The following ZFHX4 variants were observed in gnomAD, a reference collection of about 807,000 sequenced individuals.
ZFHX4 encodes the protein zinc finger homeobox 4, also known as zinc finger homeobox protein 4.
A neutral mutation model predicts 267.6 loss-of-function variants in ZFHX4; 56 were observed. That is an observed-to-expected ratio of 0.21 (90% CI 0.17 to 0.26). ZFHX4 has a LOEUF of 0.26. Among genes scored for constraint, ZFHX4 ranks in the 10% least tolerant of loss-of-function variants. ZFHX4 has a pLI of 1.00. For synonymous variants in ZFHX4, 1,778 were observed against 1,665.6 expected (o/e 1.07, Z -1.64); for missense variants, 4,332 against 4,420.0 (o/e 0.98, Z 0.56).
At chr8:76,797,886 A>ATGTG (rs10694486) in intron 4 of ZFHX4, among the ~76,000 whole-genome samples, 6,135 of 140,206 alleles carry the variant, frequency 0.044, 209 homozygotes, top group East Asian at 0.19. Context: ...GTGTGTCTGT[A>ATGTG]TGTGTGTGTG....
chr8:76,758,755 A>C (rs1249957158), intron 3 of ZFHX4, among the ~76,000 whole-genome samples: 6 of 152,094 alleles, frequency 3.9e-5, no homozygotes, highest in Non-Finnish European at 8.8e-5. Context: ...TGGCCCCCCA[A>C]AGTGCTGGGA....
chr8:76,792,115 A>T (rs1810854012), intron 4 of ZFHX4, among the ~76,000 whole-genome samples: 1 of 152,152 alleles, frequency 6.6e-6, no homozygotes, highest in Non-Finnish European at 1.5e-5. Flanking sequence ...TCCAAAACCT[A>T]ATGCTATATG....
At chr8:76,831,259 T>G (rs980045930) in intron 4 of ZFHX4, among the ~76,000 whole-genome samples, 1 of 152,210 alleles carries the variant, frequency 6.6e-6, no homozygotes, top group African/African-American at 2.4e-5. Flanking sequence ...GTCACCTAGG[T>G]ACTACTGACA....
chr8:76,692,878 T>C (rs2131586102), intron 1 of ZFHX4, among the ~76,000 whole-genome samples: 1 of 152,304 alleles, frequency 6.6e-6, no homozygotes, highest in East Asian at 1.9e-4. Context: ...AAAGTACTTC[T>C]TAAAAATAAA....
In ZFHX4 at chr8:76,728,894, C is replaced by T. The variant is rs117223559; in HGVS notation, c.3093+20846C>T. On this transcript the variant is annotated intron_variant, in intron 3 of 10. Transcript: ENST00000651372. ...TGGTTCTGATGATCAGAAGATTTCC[C>T]ACCATTTTCATAGGTTTTAGGAAAA... 5.2e-4 allele frequency among the ~76,000 whole-genome samples: 79 copies of T among 152,202 alleles called. 2 individuals are homozygous for T. The East Asian group carries it at 0.014, about 27-fold the overall frequency.
chr8:76,803,971 A>G (rs910765306), intron 4 of ZFHX4, among the ~76,000 whole-genome samples: 7 of 152,142 alleles, frequency 4.6e-5, no homozygotes, highest in African/African-American at 1.7e-4. Context: ...TATAATTCAG[A>G]CTTAGAATTT....
Position 76,855,284 on chromosome 8 carries a change from C to T in ZFHX4, c.8363C>T (p.Pro2788Leu). 6.2e-7 allele frequency: 1 copy of T among 1,612,842 alleles called. No homozygotes were observed. Among genetic ancestry groups the T allele is most frequent in the Non-Finnish European group, 8.5e-7 (1 of 1,179,540 alleles). Reference sequence around the variant, plus strand: ...GATGTAGAGAATTTAAATGCCCCTCCTGCTGAGGCTGGGTATGATCAAAAT... The same window carrying T: ...GATGTAGAGAATTTAAATGCCCCTCTTGCTGAGGCTGGGTATGATCAAAAT... The part of the protein sequence containing the change: ...SEDVENLNAP[P>L]AEAGYDQNKT... Residue 2788 changes from proline to leucine, a missense_variant, in exon 10 of 11, where the codon CCT (proline) becomes CTT (leucine). Pro to Leu is a moderately conservative substitution (Grantham distance 98). Coordinates refer to ENST00000651372, the MANE Select transcript of ZFHX4 (RefSeq NM_024721.5).
rs1049191590 is a variant in ZFHX4, at chr8:76,770,469, T to G, written c.3094-7739T>G. 2.0e-5 allele frequency among the ~76,000 whole-genome samples: 3 copies of G among 152,318 alleles called. No individual in the cohort carries two copies. The East Asian group carries it at 5.8e-4, about 29-fold the overall frequency. ...TCTATTGCCTGCCAGTAGTTGTACCTCTTCACTATTATTCTTCCTAACCAC... is the reference window on the plus strand; with the variant it reads ...TCTATTGCCTGCCAGTAGTTGTACCGCTTCACTATTATTCTTCCTAACCAC... On this transcript the variant is annotated intron_variant, in intron 3 of 10. Coordinates refer to ENST00000651372, the MANE Select transcript of ZFHX4 (RefSeq NM_024721.5).
In ZFHX4 at chr8:76,853,793, C is replaced by A. The variant is rs533595263; in HGVS notation, c.6872C>A (p.Thr2291Lys). The change falls in exon 10 of 11, where the codon ACA (threonine) becomes AAA (lysine). Residue 2291 changes from threonine (T) to lysine (K), a missense_variant. By Grantham distance (78) the Thr-to-Lys change is moderately conservative (BLOSUM62 -1). This residue lies in a region of ZFHX4 where 1,648 missense variants were observed against 1,625.0 expected (regional missense o/e 1.01). Transcript: ENST00000651372. ...ARKSYENQAE[T>K]KDNEKRELTN... is the part of the protein sequence containing the mutation. Reference sequence around the variant, plus strand: ...AAGAGTTATGAGAATCAAGCAGAAACAAAAGATAATGAAAAAAGAGAACTC... The same window carrying A: ...AAGAGTTATGAGAATCAAGCAGAAAAAAAAGATAATGAAAAAAGAGAACTC... 1 of 1,613,586 alleles carries A rather than the reference C, an allele frequency of 6.2e-7. No homozygotes were observed. Among genetic ancestry groups the A allele is most frequent in the African/African-American group, 1.3e-5 (1 of 74,958 alleles).
chr8:76,856,045 C>T lies in ZFHX4; in HGVS notation c.9124C>T (p.Gln3042Ter). 1 of 1,613,968 alleles carries T rather than the reference C, an allele frequency of 6.2e-7. No homozygotes were observed. The highest frequency in any genetic ancestry group is 8.5e-7 in the Non-Finnish European group (1 of 1,179,866). The change falls in exon 10 of 11, where the codon CAG (glutamine) becomes TAG (stop). Residue 3042 changes from glutamine (Q) to a stop codon, truncating the protein, a stop_gained. Coordinates refer to ENST00000651372, the MANE Select transcript of ZFHX4 (RefSeq NM_024721.5). LOFTEE classifies it high-confidence loss of function. ...ISKVRETVGSQLDREKDYLAP... is the reference protein window; with the variant it reads ...ISKVRETVGS ...AAAAGTGAGGGAGACCGTTGGCAGT[C>T]AGCTCGATCGGGAGAAAGATTACTT...
intron 5 of ZFHX4, among the ~76,000 whole-genome samples, chr8:76,838,220 C>T (rs1241306538): frequency 6.6e-6 from 1 of 152,138 alleles, no homozygotes; most frequent in East Asian, 1.9e-4. Flanking sequence ...CGGGCATTAC[C>T]TGGAAACTCA....
intron 3 of ZFHX4, among the ~76,000 whole-genome samples, chr8:76,717,759 G>A (rs1479425294): frequency 6.6e-6 from 1 of 151,974 alleles, no homozygotes; most frequent in African/African-American, 2.4e-5. Context: ...ACCACCCTGG[G>A]CTAATTTTTG....
chr8:76,847,727 A>T (rs1309234434), intron 6 of ZFHX4, among the ~76,000 whole-genome samples: 1 of 151,794 alleles, frequency 6.6e-6, no homozygotes, highest in Non-Finnish European at 1.5e-5. Flanking sequence ...CACAGTTGAA[A>T]TAGAATGTAT....
At chr8:76,759,051 G>T (rs1317581473) in intron 3 of ZFHX4, among the ~76,000 whole-genome samples, 1 of 152,090 alleles carries the variant, frequency 6.6e-6, no homozygotes, top group Non-Finnish European at 1.5e-5. Flanking sequence ...CTTCAAGAAA[G>T]ATTTTCTTTA....
chr8:76,697,748 G>T (rs1360795966), intron 1 of ZFHX4, among the ~76,000 whole-genome samples: 3 of 151,928 alleles, frequency 2.0e-5, no homozygotes, highest in South Asian at 2.1e-4. Context: ...TAACTTCAGG[G>T]TATATTTATA....
intron 3 of ZFHX4, among the ~76,000 whole-genome samples, chr8:76,718,108 A>G (rs570821943): frequency 6.6e-6 from 1 of 152,314 alleles, no homozygotes; most frequent in Admixed American, 6.5e-5. Context: ...TTTCAACTCA[A>G]CATACATTCA....
Position 76,706,356 on chromosome 8 carries a change from C to T in ZFHX4, c.2268C>T (p.Pro756=). 6.2e-7 allele frequency: 1 copy of T among 1,614,044 alleles called. No individual in the cohort carries two copies. Among genetic ancestry groups the T allele is most frequent in the Non-Finnish European group, 8.5e-7 (1 of 1,179,936 alleles). The change falls in exon 2 of 11, where the codon CCC becomes CCT. Residue 756 remains proline, a synonymous_variant. Coordinates refer to ENST00000651372, the MANE Select transcript of ZFHX4 (RefSeq NM_024721.5). ...CCAGCCTCAGTGGCTGCGGAACACC[C>T]TCTCCGTCCAAACCCAAACAGAAAC... ...PNTSLSGCGT[P]SPSKPKQKPT...
Position 76,835,227 on chromosome 8 carries a change from A to ATG in ZFHX4, c.3394+1822_3394+1823insGT, listed in dbSNP as rs1370836150. 3.7e-4 allele frequency among the ~76,000 whole-genome samples: 22 copies of ATG among 59,092 alleles called. 2 individuals carry two copies. The highest frequency in any genetic ancestry group is 8.3e-4 in the African/African-American group (9 of 10,786). The allele number at this position is 59,092 out of a possible 152,430, so 38.8% of individuals were successfully genotyped here. A position where few individuals can be genotyped will look rare whatever the true frequency, so the allele number is the denominator to read the frequency against. On this transcript the variant is annotated intron_variant, in intron 5 of 10. Coordinates refer to ENST00000651372, the MANE Select transcript of ZFHX4 (RefSeq NM_024721.5). ...CTTTGGTGTATATATATGTATATAT[A>ATG]TATATATATATATGTATATATATAT...
chr8:76,737,474 G>T (rs1385449438), intron 3 of ZFHX4, among the ~76,000 whole-genome samples: 2 of 152,154 alleles, frequency 1.3e-5, no homozygotes, highest in South Asian at 4.1e-4. Flanking sequence ...TTGCTCAGTT[G>T]CTTATTAGGC....
Sources: allele counts gnomAD v4.1 joint callset (sites outside exome capture counted in the v4.1 genomes callset), GRCh38; gene constraint gnomAD v4.1.1; regional missense constraint gnomAD v4.1.1; transcripts MANE v1.5; gene names NCBI Gene and HGNC (gene_info 2026-07-23, HGNC 2026-07-21).